Variants in DNAH10 observed in about 807,000 individuals in gnomAD.
The protein encoded by DNAH10 is axonemal beta dynein heavy chain 10.
A neutral mutation model predicts 506.6 loss-of-function variants in DNAH10; 348 were observed. The observed-to-expected ratio is 0.69, with a 90% CI of 0.63 to 0.75. DNAH10 has a LOEUF of 0.75. Among genes scored for constraint, DNAH10 ranks in the 30% least tolerant of loss-of-function variants. DNAH10 has a pLI of 0.00. For synonymous variants in DNAH10, 2,059 were observed against 2,198.6 expected (o/e 0.94, Z 1.78); for missense variants, 5,179 against 5,787.1 (o/e 0.89, Z 3.41).
intron 69 of DNAH10, chr12:123,927,945 T>C (rs1008038447): frequency 1.1e-5 from 2 of 179,692 alleles, no homozygotes; most frequent in Non-Finnish European, 2.3e-5. Flanking sequence ...TTAGCTTGTT[T>C]GTGCTTTGAA....
rs1955022477 is a variant in DNAH10, at chr12:123,928,029, T to C, written c.12106-358T>C. 2.8e-6 allele frequency: 1 copy of C among 354,654 alleles called. No individual in the cohort carries two copies. The highest frequency in any genetic ancestry group is 2.1e-5 in the African/African-American group (1 of 48,154). 22.0% of individuals were successfully genotyped at this position (354,654 alleles called of 1,614,324 possible). A position where few individuals can be genotyped will look rare whatever the true frequency, so the allele number is the denominator to read the frequency against. ...GAAGATCTTACAGTGGCCAGGACAG[T>C]CCCGACTTCCTGGTGGGCTTTAGCT... On this transcript the variant is annotated intron_variant, in intron 69 of 78. Transcript: ENST00000673944. This position sits in a 1 kb window ranked among gnomAD's most constrained non-coding sequence, Gnocchi z 4.9.
In DNAH10 at chr12:123,898,756, G is replaced by A. The variant is rs754267819; in HGVS notation, c.9582G>A (p.Ala3194=). 70 of 1,612,358 alleles carry A rather than the reference G, an allele frequency of 4.3e-5. No homozygotes were observed. The highest frequency in any genetic ancestry group is 8.8e-5 in the South Asian group (8 of 90,588). ...QKLAEQKIVL[A]EKSAACEALL... is the part of the protein sequence containing the mutation. ...TGGCCGAGCAGAAGATCGTGCTGGC[G>A]GAGAAGTCCGCCGCCTGCGAGGCCT... is the stretch of plus-strand genomic sequence containing the variant. The change falls in exon 56 of 79, where the codon GCG becomes GCA. Residue 3194 remains alanine, a synonymous_variant. Coordinates refer to ENST00000673944, the MANE Select transcript of DNAH10 (RefSeq NM_001372106.1).
At chr12:123,871,231 G>T (rs1344372964) in intron 44 of DNAH10, among the ~76,000 whole-genome samples, 1 of 152,204 alleles carries the variant, frequency 6.6e-6, no homozygotes, top group Non-Finnish European at 1.5e-5. Context: ...CTCAAAACCG[G>T]CTTGGGCGTT....
In DNAH10 at chr12:123,801,437, C is replaced by T. The variant is rs746470065; in HGVS notation, c.2614+5C>T. 5 of 1,611,056 alleles carry T rather than the reference C, an allele frequency of 3.1e-6. No homozygotes were observed. Among genetic ancestry groups the T allele is most frequent in the East Asian group, 2.2e-5 (1 of 44,838 alleles). On this transcript the variant is annotated splice_donor_5th_base_variant and intron_variant, in intron 16 of 78. Transcript: ENST00000673944. ...GGTTGAACTGGAACTCACTAGGTAA[C>T]GTCATTCATCTATTGATTGCCTTTT... is the stretch of plus-strand genomic sequence containing the variant.
Position 123,867,618 on chromosome 12 carries a change from G to A in DNAH10, c.7302+17G>A. 1 of 1,611,300 alleles carries A rather than the reference G, an allele frequency of 6.2e-7. No individual in the cohort carries two copies. The highest frequency in any genetic ancestry group is 8.5e-7 in the Non-Finnish European group (1 of 1,179,164). ...CTCAATATGGTAAGAAATGATCCCT[G>A]CTGTTAGCAAAAAGAAATTCTTTCC... On this transcript the variant is annotated intron_variant, in intron 42 of 78. Transcript: ENST00000673944.
intron 5 of DNAH10, among the ~76,000 whole-genome samples, chr12:123,775,584 G>A (rs1018911070): frequency 6.6e-6 from 1 of 152,220 alleles, no homozygotes; most frequent in Non-Finnish European, 1.5e-5. Context: ...TGGGCAGAGA[G>A]AACAGCAGGT....
In DNAH10 at chr12:123,855,658, A is replaced by C. The variant is rs570658849; in HGVS notation, c.6439-1398A>C. Among the ~76,000 whole-genome samples the C allele has an allele frequency of 4.5e-4, 67 of 149,290 alleles. No homozygotes were observed. The East Asian group carries it at 0.012, about 27-fold the overall frequency. On this transcript the variant is annotated intron_variant, in intron 36 of 78. Coordinates refer to ENST00000673944, the MANE Select transcript of DNAH10 (RefSeq NM_001372106.1). ...CAAAAAAAAAAAAAAAATAATAATA[A>C]AAAGTATATATATATATATGCGCAC...
At chr12:123,800,181 G>C (rs752184356) in intron 14 of DNAH10, 35 bp from the exon 15 acceptor site, 1 of 1,603,474 alleles carries the variant, frequency 6.2e-7, no homozygotes, top group African/African-American at 1.3e-5. Context: ...CTCTTGGACT[G>C]CCCTGGCCGC....
At chr12:123,782,169 A>G (rs918349092) in intron 6 of DNAH10, among the ~76,000 whole-genome samples, 8 of 152,022 alleles carry the variant, frequency 5.3e-5, no homozygotes, top group Non-Finnish European at 2.9e-5. Context: ...ATTGATAGTC[A>G]TATCAGCTAT....
rs558064196 is a variant in DNAH10, at chr12:123,870,254, C to T, written c.7520-112C>T. The T allele has an allele frequency of 5.7e-6, 8 of 1,403,048 alleles. No homozygotes were observed. In the African/African-American group the frequency reaches 1.0e-4, roughly 18 times the overall value. 86.9% of individuals were successfully genotyped at this position (1,403,048 alleles called of 1,614,324 possible). A position where few individuals can be genotyped will look rare whatever the true frequency, so the allele number is the denominator to read the frequency against. On this transcript the variant is annotated intron_variant, in intron 43 of 78. Transcript: ENST00000673944. ...TGAAGGAGCAGCATTGAAGTACTCACTATGGCCTCCGTGCAGTACAAGCAA... is the reference window on the plus strand; with the variant it reads ...TGAAGGAGCAGCATTGAAGTACTCATTATGGCCTCCGTGCAGTACAAGCAA...
intron 52 of DNAH10, among the ~76,000 whole-genome samples, chr12:123,888,830 C>T (rs7315022): frequency 3.3e-5 from 5 of 152,250 alleles, no homozygotes; most frequent in East Asian, 3.9e-4. Context: ...ACCACTTTAC[C>T]GTGTTGTTAT....
At position 123,785,846 on chromosome 12, in the gene DNAH10, A is replaced by G. The variant is rs1594017628; in HGVS notation, c.1331A>G (p.Lys444Arg). 1 of 1,614,064 alleles carries G rather than the reference A, an allele frequency of 6.2e-7. No individual in the cohort carries two copies. Residue 444 changes from lysine to arginine, a missense_variant, in exon 9 of 79, where the codon AAA becomes AGA. Transcript: ENST00000673944. The surrounding 1 kb of genome is among the most constrained non-coding windows in gnomAD (Gnocchi z 4.1). ...TGGATCATCTCCCGACACTACAACAAAGACGAGAGGATGATTCCGCTCATG... is the reference window on the plus strand; with the variant it reads ...TGGATCATCTCCCGACACTACAACAGAGACGAGAGGATGATTCCGCTCATG... ...MVWIISRHYN[K>R]DERMIPLMER...
chr12:123,772,476 A>C (rs1316992672), intron 3 of DNAH10, among the ~76,000 whole-genome samples: 4 of 152,240 alleles, frequency 2.6e-5, no homozygotes, highest in Non-Finnish European at 5.9e-5. Flanking sequence ...GTTGGAGTTT[A>C]AGGCTAGGAT....
At position 123,909,570 on chromosome 12, in the gene DNAH10, G is replaced by C; in HGVS notation, c.9997+128G>C. ...CTCCCCTTCTGGTCAGATGGTATCG[G>C]ATGGAACAGGCAACTGATGGTCACC... is the stretch of plus-strand genomic sequence containing the variant. On this transcript the variant is annotated intron_variant, in intron 58 of 78. Transcript: ENST00000673944. The surrounding 1 kb of genome is among the most constrained non-coding windows in gnomAD (Gnocchi z 5.4). 12 of 1,212,634 alleles carry C rather than the reference G, an allele frequency of 9.9e-6. 1 individual carries two copies. Among genetic ancestry groups the C allele is most frequent in the Non-Finnish European group, 1.3e-5 (12 of 893,808 alleles). 75.1% of individuals were successfully genotyped at this position (1,212,634 alleles called of 1,614,324 possible). A position where few individuals can be genotyped will look rare whatever the true frequency, so the allele number is the denominator to read the frequency against.
chr12:123,798,706 T>G (rs966310905), intron 13 of DNAH10, among the ~76,000 whole-genome samples: 11 of 148,210 alleles, frequency 7.4e-5, no homozygotes, highest in African/African-American at 2.7e-4. Flanking sequence ...TTATTTAATA[T>G]TATATAACTA....
chr12:123,774,116 C>A, intron 4 of DNAH10, 33 bp from the exon 5 acceptor site: 2 of 1,440,244 alleles, frequency 1.4e-6, no homozygotes, highest in Non-Finnish European at 1.9e-6. Flanking sequence ...CTCTCTCCCA[C>A]TGACCTTACA....
At chr12:123,805,088 A>C in intron 18 of DNAH10, 48 bp downstream of exon 18, 1 of 1,585,792 alleles carries the variant, frequency 6.3e-7, no homozygotes, top group Non-Finnish European at 8.6e-7. Context: ...GTAGATTAAA[A>C]CAGTTGACAA....
rs35553163 is a variant in DNAH10, at chr12:123,921,691, G to GTTTTTTTTTTTTTTTTTTT, written c.11507-2050_11507-2032dup. The stretch of plus-strand genomic sequence containing the variant: ...CTTGTCCATCTGTCTGTAGCTTGCA[G>GTTTTTTTTTTTTTTTTTTT]TTTTTTTTTTTTTTTTTTTTTTTTT... On this transcript the variant is annotated intron_variant, in intron 65 of 78. Coordinates refer to ENST00000673944, the MANE Select transcript of DNAH10 (RefSeq NM_001372106.1). Among the ~76,000 whole-genome samples the GTTTTTTTTTTTTTTTTTTT allele has an allele frequency of 4.8e-5, 3 of 62,884 alleles. 1 individual carries two copies. Among genetic ancestry groups the GTTTTTTTTTTTTTTTTTTT allele is most frequent in the Non-Finnish European group, 2.8e-5 (1 of 35,182 alleles). The allele number at this position is 62,884 out of a possible 152,430, so 41.3% of individuals were successfully genotyped here. A position where few individuals can be genotyped will look rare whatever the true frequency, so the allele number is the denominator to read the frequency against.
chr12:123,863,657 C>T (rs1266116972), intron 39 of DNAH10, among the ~76,000 whole-genome samples: 1 of 152,176 alleles, frequency 6.6e-6, no homozygotes, highest in Non-Finnish European at 1.5e-5. Context: ...CTGCTTTTCT[C>T]TTATAAGGAC....
Sources: allele counts gnomAD v4.1 joint callset (sites outside exome capture counted in the v4.1 genomes callset), GRCh38; gene constraint gnomAD v4.1.1; non-coding constraint Gnocchi (gnomAD v3.1); transcripts MANE v1.5; gene names NCBI Gene and HGNC (gene_info 2026-07-23, HGNC 2026-07-21).